Variants in ZBTB20 observed in about 807,000 individuals in gnomAD.
The protein encoded by ZBTB20 is zinc finger and BTB domain containing 20.
Under a neutral mutation model 56.9 loss-of-function variants are expected in ZBTB20, and 9 were observed. That is an observed-to-expected ratio of 0.16 (90% CI 0.10 to 0.28). The LOEUF (loss-of-function observed/expected upper bound fraction) is 0.28, where lower values mean the gene tolerates loss of function less well. Ranked by LOEUF, ZBTB20 falls within the 10% of genes least tolerant of loss-of-function variation. ZBTB20 has a pLI of 1.00. For synonymous variants in ZBTB20, 417 were observed against 420.7 expected, an observed-to-expected ratio of 0.99 and a Z score of 0.11; for missense variants, 655 against 1,003.0, an observed-to-expected ratio of 0.65 and a Z score of 4.69.
intron 6 of ZBTB20, among the ~76,000 whole-genome samples, chr3:114,592,253 G>A (rs944158603): frequency 1.3e-5 from 2 of 152,124 alleles, no homozygotes; most frequent in African/African-American, 4.8e-5. Context: ...TAAAGGCTCT[G>A]CTGGTTACGT....
At chr3:114,727,475 T>C (rs1359486947) in intron 5 of ZBTB20, among the ~76,000 whole-genome samples, 1 of 152,226 alleles carries the variant, frequency 6.6e-6, no homozygotes, top group Admixed American at 6.5e-5. Flanking sequence ...TACCTAGGCA[T>C]GGGCCACTGT....
At chr3:114,830,443 T>G (rs1376215661) in intron 4 of ZBTB20, among the ~76,000 whole-genome samples, 1 of 151,976 alleles carries the variant, frequency 6.6e-6, no homozygotes, top group African/African-American at 2.4e-5. Context: ...TATTACCTGC[T>G]AAGCCAAGCT....
intron 3 of ZBTB20, among the ~76,000 whole-genome samples, chr3:114,934,304 C>T (rs1472073768): frequency 6.6e-6 from 1 of 152,168 alleles, no homozygotes; most frequent in African/African-American, 2.4e-5. Flanking sequence ...TTCAGGAAAG[C>T]CTTCTTTACT....
chr3:114,849,888 A>G (rs1388108948), intron 4 of ZBTB20, among the ~76,000 whole-genome samples: 1 of 145,124 alleles, frequency 6.9e-6, no homozygotes, highest in East Asian at 2.1e-4. Flanking sequence ...AGGCAATAGA[A>G]TCAGGAAATC....
At chr3:114,694,669 A>C (rs576214600) in intron 5 of ZBTB20, among the ~76,000 whole-genome samples, 5 of 152,052 alleles carry the variant, frequency 3.3e-5, no homozygotes, top group Admixed American at 6.6e-5. Context: ...AGAGTGCATG[A>C]GGAGCATACT....
chr3:114,585,696 C>T (rs754748472), intron 6 of ZBTB20, among the ~76,000 whole-genome samples: 2 of 152,204 alleles, frequency 1.3e-5, no homozygotes, highest in Non-Finnish European at 2.9e-5. Flanking sequence ...GGCAACCACA[C>T]TGGTTTCTCC....
intron 6 of ZBTB20, among the ~76,000 whole-genome samples, chr3:114,557,809 AGTTT>A (rs1320944851): frequency 2.6e-5 from 4 of 152,072 alleles, no homozygotes; most frequent in Non-Finnish European, 5.9e-5. Context: ...ATAATTGTTT[AGTTT>A]ATTAGTGAAA....
At chr3:114,920,511 G>A (rs2075916017) in intron 3 of ZBTB20, among the ~76,000 whole-genome samples, 1 of 149,830 alleles carries the variant, frequency 6.7e-6, no homozygotes, top group Admixed American at 6.6e-5. Flanking sequence ...TCACAAACAT[G>A]TGGCAATTAA....
chr3:115,032,300 T>C (rs1439080207), intron 2 of ZBTB20, among the ~76,000 whole-genome samples: 4 of 151,456 alleles, frequency 2.6e-5, no homozygotes, highest in Non-Finnish European at 5.9e-5. Context: ...AGTAACCACT[T>C]TATTGATCTT....
intron 7 of ZBTB20, among the ~76,000 whole-genome samples, chr3:114,478,709 G>A (rs2041162302): frequency 6.6e-6 from 1 of 152,130 alleles, no homozygotes; most frequent in African/African-American, 2.4e-5. Flanking sequence ...ATGTGTGAGA[G>A]TAAGACATAG....
intron 1 of ZBTB20, among the ~76,000 whole-genome samples, chr3:115,139,930 A>T (rs988485328): frequency 6.6e-6 from 1 of 152,060 alleles, no homozygotes; most frequent in African/African-American, 2.4e-5. Context: ...ATACTTTACT[A>T]GTGTGCTATG....
At chr3:114,418,001 G>T (rs1194503028) in intron 7 of ZBTB20, among the ~76,000 whole-genome samples, 1 of 152,000 alleles carries the variant, frequency 6.6e-6, no homozygotes, top group Non-Finnish European at 1.5e-5. Context: ...ATCAAGGTAC[G>T]CCCACCTTGG....
intron 6 of ZBTB20, among the ~76,000 whole-genome samples, chr3:114,506,156 G>A (rs1337536055): frequency 3.3e-5 from 5 of 151,996 alleles, no homozygotes; most frequent in South Asian, 4.1e-4. Flanking sequence ...TTTCCAAAAC[G>A]CATATTATTT....
In ZBTB20 at chr3:114,840,301, C is replaced by T. The variant is rs143402821; in HGVS notation, c.-416-39127G>A. ...CACGCATGTGCAACATGTCTACAGA[C>T]GTTAAAAACTGTTGTTTTCCTTGAA... is the stretch of plus-strand genomic sequence containing the variant. On this transcript the variant is annotated intron_variant, in intron 4 of 11. Coordinates refer to ENST00000675478, the MANE Select transcript of ZBTB20 (RefSeq NM_001348800.3). 3.5e-4 allele frequency among the ~76,000 whole-genome samples: 54 copies of T among 152,268 alleles called. 1 individual carries two copies. The highest frequency in any genetic ancestry group is 2.1e-3 in the South Asian group (10 of 4,828).
intron 6 of ZBTB20, among the ~76,000 whole-genome samples, chr3:114,576,904 A>G (rs1196528555): frequency 6.6e-6 from 1 of 152,128 alleles, no homozygotes; most frequent in Non-Finnish European, 1.5e-5. Context: ...TATAAAACGA[A>G]TATTAGTTAA....
intron 4 of ZBTB20, among the ~76,000 whole-genome samples, chr3:114,884,419 T>C (rs1368794925): frequency 1.3e-5 from 2 of 152,320 alleles, no homozygotes; most frequent in South Asian, 2.1e-4. Flanking sequence ...CCTACTTCCT[T>C]GTGCATTTTT....
At chr3:115,039,546 A>C (rs562735123) in intron 2 of ZBTB20, among the ~76,000 whole-genome samples, 1 of 152,044 alleles carries the variant, frequency 6.6e-6, no homozygotes, top group African/African-American at 2.4e-5. Context: ...GGAGGTGTTT[A>C]AAGCAGTTTT....
intron 4 of ZBTB20, among the ~76,000 whole-genome samples, chr3:114,855,258 G>A (rs79460620): frequency 1.3e-5 from 2 of 152,226 alleles, no homozygotes; most frequent in Non-Finnish European, 2.9e-5. Context: ...TTTAATGGAG[G>A]TCTTCAAACT....
chr3:115,109,577 A>G (rs1282176904), intron 1 of ZBTB20, among the ~76,000 whole-genome samples: 1 of 152,222 alleles, frequency 6.6e-6, no homozygotes, highest in Non-Finnish European at 1.5e-5. Flanking sequence ...CCAAAGACAC[A>G]GACCTAATAA....
Sources: gnomAD v4.1 joint callset for allele counts (sites outside exome capture counted in the v4.1 genomes callset) on GRCh38, gnomAD v4.1.1 for gene constraint, MANE v1.5 for transcripts, NCBI Gene and HGNC (gene_info 2026-07-23, HGNC 2026-07-21) for gene names.